Variants in OVOL2 observed in about 807,000 individuals in gnomAD.
The protein encoded by OVOL2 is transcription factor Ovo-like 2.
OVOL2 carries 13 observed loss-of-function variants against 18.1 expected under a neutral mutation model. The ratio of observed to expected loss-of-function variants is 0.72; its 90% confidence interval spans 0.47 to 1.14. OVOL2 has a LOEUF of 1.14. OVOL2 is among the 50% of genes most tolerant of loss of function. The pLI, the probability that OVOL2 is intolerant of heterozygous loss-of-function variation, is 0.00. For synonymous variants in OVOL2, 166 were observed against 162.7 expected, an observed-to-expected ratio of 1.02 and a Z score of -0.16; for missense variants, 335 against 383.0, an observed-to-expected ratio of 0.87 and a Z score of 1.05.
intron 2 of OVOL2, among the ~76,000 whole-genome samples, chr20:18,054,224 G>T (rs1250851728): frequency 1.3e-5 from 2 of 152,128 alleles, no homozygotes; most frequent in Non-Finnish European, 2.9e-5. Flanking sequence ...GGCTCAGAGG[G>T]GTGAGCCACT....
chr20:18,049,937 T>A (rs73899397), intron 2 of OVOL2, among the ~76,000 whole-genome samples: 8,847 of 152,214 alleles, frequency 0.058, 838 homozygotes, highest in African/African-American at 0.2. Flanking sequence ...TACTGGACAG[T>A]ACAGTTGTCC....
At chr20:18,042,775 C>CAA (rs141784334) in intron 2 of OVOL2, among the ~76,000 whole-genome samples, 19,926 of 93,226 alleles carry the variant, frequency 0.21, 2,176 homozygotes, top group Middle Eastern at 0.26. Flanking sequence ...AACTCCGTCT[C>CAA]AAAAAAAAAA....
chr20:18,025,896 G>A (rs2036509831), intron 3 of OVOL2, among the ~76,000 whole-genome samples: 1 of 152,388 alleles, frequency 6.6e-6, no homozygotes, highest in South Asian at 2.1e-4. Flanking sequence ...GCCTTGTGCA[G>A]ACAGACTGGG....
intron 3 of OVOL2, among the ~76,000 whole-genome samples, chr20:18,026,438 G>C (rs6080943): frequency 0.13 from 19,944 of 148,444 alleles, 1,523 homozygotes; most frequent in East Asian, 0.32. Context: ...TTGGAGTGCA[G>C]TGGCGCAATC....
chr20:18,031,491 C>T (rs1050345318), intron 3 of OVOL2, among the ~76,000 whole-genome samples: 21 of 152,050 alleles, frequency 1.4e-4, no homozygotes, highest in Admixed American at 1.2e-3. Context: ...GCAGGAGAAT[C>T]GCTGGAATCT....
chr20:18,049,827 T>C (rs1367822198), intron 2 of OVOL2, among the ~76,000 whole-genome samples: 1 of 152,132 alleles, frequency 6.6e-6, no homozygotes, highest in East Asian at 1.9e-4. Context: ...GGAGGGGGCA[T>C]GAACCCCATT....
intron 2 of OVOL2, among the ~76,000 whole-genome samples, chr20:18,042,775 C>CAAAAA (rs141784334): frequency 4.3e-5 from 4 of 93,526 alleles, no homozygotes; most frequent in East Asian, 3.7e-4. Context: ...AACTCCGTCT[C>CAAAAA]AAAAAAAAAA....
chr20:18,058,051 C>G (rs1009445709), upstream of OVOL2, among the ~76,000 whole-genome samples: 4 of 152,228 alleles, frequency 2.6e-5, no homozygotes, highest in Non-Finnish European at 5.9e-5. Context: ...AAAGTCTGTT[C>G]TTCCCCCTCC....
In OVOL2 at chr20:18,057,013, G is replaced by T. The variant is rs962544188; in HGVS notation, c.101-136C>A. 7.8e-6 allele frequency: 8 copies of T among 1,023,542 alleles called. No individual in the cohort carries two copies. In the African/African-American group the frequency reaches 1.4e-4, roughly 18 times the overall value. The allele number at this position is 1,023,542 out of a possible 1,614,324, so 63.4% of individuals were successfully genotyped here. ...CCTCGCCAAGTGGGCAACGTCGCGGGGGAGGCCAGTAAGCCCCGAATCGGC... is the reference window on the plus strand; with the variant it reads ...CCTCGCCAAGTGGGCAACGTCGCGGTGGAGGCCAGTAAGCCCCGAATCGGC... On this transcript the variant is annotated intron_variant, in intron 1 of 3. Transcript: ENST00000278780. This position sits in a 1 kb window ranked among gnomAD's most constrained non-coding sequence, Gnocchi z 6.3.
chr20:18,056,930 G>A lies in OVOL2; in HGVS notation c.101-53C>T. ...ACACACACTCGGCGTCAACCCGCAC[G>A]CCCGCGGCAGTTTGACCTGCGGGCG... On this transcript the variant is annotated intron_variant, in intron 1 of 3. Coordinates refer to ENST00000278780, the MANE Select transcript of OVOL2 (RefSeq NM_021220.4). This position sits in a 1 kb window ranked among gnomAD's most constrained non-coding sequence, Gnocchi z 4.2. The A allele has an allele frequency of 7.0e-7, 1 of 1,426,624 alleles. No individual in the cohort carries two copies. Among genetic ancestry groups the A allele is most frequent in the East Asian group, 3.0e-5 (1 of 33,296 alleles). 88.4% of individuals were successfully genotyped at this position (1,426,624 alleles called of 1,614,324 possible).
intron 3 of OVOL2, among the ~76,000 whole-genome samples, chr20:18,035,936 C>T (rs183939986): frequency 1.5e-4 from 23 of 152,274 alleles, no homozygotes; most frequent in South Asian, 4.1e-4. Context: ...AATTTTAATG[C>T]TATATTTTGT....
intron 3 of OVOL2, among the ~76,000 whole-genome samples, chr20:18,031,603 G>A (rs150232948): frequency 6.5e-4 from 99 of 152,156 alleles, no homozygotes; most frequent in African/African-American, 2.3e-3. Flanking sequence ...AAAAACATAA[G>A]CTGGCTGCTG....
rs928202829 is a variant in OVOL2 at position 18,042,233 on chromosome 20, C to A, written c.322-510G>T. On this transcript the variant is annotated intron_variant, in intron 2 of 3. Coordinates refer to ENST00000278780, the MANE Select transcript of OVOL2 (RefSeq NM_021220.4). ...CAGCCAGTTGCTCCCACTTTTTATT[C>A]TCCCCTTCTTCCTTAGAACAAACCT... 9.9e-5 allele frequency among the ~76,000 whole-genome samples: 15 copies of A among 151,944 alleles called. 1 individual carries two copies. Among genetic ancestry groups the A allele is most frequent in the African/African-American group, 3.6e-4 (15 of 41,382 alleles).
chr20:18,057,489 C>G lies in OVOL2; in HGVS notation c.100+46G>C, dbSNP rs373965239. 1.3e-6 allele frequency: 2 copies of G among 1,540,808 alleles called. No homozygotes were observed. The highest frequency in any genetic ancestry group is 1.8e-6 in the Non-Finnish European group (2 of 1,141,482). On this transcript the variant is annotated intron_variant, in intron 1 of 3. Coordinates refer to ENST00000278780, the MANE Select transcript of OVOL2 (RefSeq NM_021220.4). This position sits in a 1 kb window ranked among gnomAD's most constrained non-coding sequence, Gnocchi z 6.3. ...AGAGAAGACCCGCCACCCCTTCCCC[C>G]ACCCCGGGAGCCCAGCGCCCAGGCC...
rs1467490902 is a variant in OVOL2, at chr20:18,057,288, G to T, written c.100+247C>A. Among the ~76,000 whole-genome samples the T allele has an allele frequency of 6.6e-6, 1 of 152,156 alleles. No individual in the cohort carries two copies. The highest frequency in any genetic ancestry group is 2.4e-5 in the African/African-American group (1 of 41,452). On this transcript the variant is annotated intron_variant, in intron 1 of 3. Coordinates refer to ENST00000278780, the MANE Select transcript of OVOL2 (RefSeq NM_021220.4). This position sits in a 1 kb window ranked among gnomAD's most constrained non-coding sequence, Gnocchi z 6.3. ...TCCCTTTCCTGGGCCACCTTGGCCCGCGCTGCAGCCAACGGTCCCGCCGCC... is the reference window on the plus strand; with the variant it reads ...TCCCTTTCCTGGGCCACCTTGGCCCTCGCTGCAGCCAACGGTCCCGCCGCC...
chr20:18,057,964 A>C, upstream of OVOL2: 1 of 1,000,708 alleles, frequency 1.0e-6, no homozygotes, highest in Non-Finnish European at 1.3e-6. The surrounding 1 kb of genome is among the most constrained non-coding windows in gnomAD (Gnocchi z 6.3). Context: ...CAAGCTCGCT[A>C]CCTGTCCGAC....
intron 3 of OVOL2, among the ~76,000 whole-genome samples, chr20:18,030,262 G>A (rs1443559958): frequency 6.6e-6 from 1 of 152,222 alleles, no homozygotes; most frequent in Non-Finnish European, 1.5e-5. Context: ...CCACTACCCA[G>A]TAGATCAAGC....
intron 2 of OVOL2, among the ~76,000 whole-genome samples, chr20:18,046,124 A>G (rs1167283168): frequency 6.6e-6 from 1 of 152,228 alleles, no homozygotes; most frequent in Admixed American, 6.5e-5. Context: ...AGGTTATTTA[A>G]TGGCAAAAAA....
chr20:18,032,258 GAGGGAAAGAA>G (rs904947001), intron 3 of OVOL2, among the ~76,000 whole-genome samples: 12 of 143,894 alleles, frequency 8.3e-5, no homozygotes, highest in Middle Eastern at 3.6e-3. Context: ...GGAAAGAAGA[GAGGGAAAGAA>G]AGAGAAAGAA....
Sources: gnomAD v4.1 joint callset for allele counts (sites outside exome capture counted in the v4.1 genomes callset) on GRCh38, gnomAD v4.1.1 for gene constraint, Gnocchi (gnomAD v3.1) non-coding constraint, MANE v1.5 for transcripts, NCBI Gene and HGNC (gene_info 2026-07-23, HGNC 2026-07-21) for gene names.